DGLUCY: variants seen among roughly 807,000 people sequenced by gnomAD.
DGLUCY encodes the protein D-glutamate cyclase, mitochondrial.
Under a neutral mutation model 58.5 loss-of-function variants are expected in DGLUCY, and 58 were observed. The observed-to-expected ratio is 0.99, with a 90% CI of 0.80 to 1.23. The LOEUF is 1.23. DGLUCY is among the 50% of genes most tolerant of loss of function. The pLI is 0.00. For synonymous variants in DGLUCY, 325 were observed against 314.1 expected (o/e 1.03, Z -0.37); for missense variants, 779 against 784.7 (o/e 0.99, Z 0.09).
At chr14:91,090,630 T>A (rs2044295862) in intron 1 of DGLUCY, among the ~76,000 whole-genome samples, 1 of 152,162 alleles carries the variant, frequency 6.6e-6, no homozygotes, top group Admixed American at 6.5e-5. Flanking sequence ...CTTGTTGATG[T>A]CAGGAAAGTC....
intron 1 of DGLUCY, among the ~76,000 whole-genome samples, chr14:91,150,218 C>CAATA (rs2047242921): frequency 1.5e-5 from 1 of 64,732 alleles, no homozygotes. Flanking sequence ...GACTCCATCT[C>CAATA]AAAAAAAAAA....
At position 91,068,821 on chromosome 14, in the gene DGLUCY, A is replaced by G. The variant is rs893557612; in HGVS notation, c.-82+8117A>G. On this transcript the variant is annotated intron_variant, in intron 1 of 4. Coordinates refer to the DGLUCY transcript ENST00000521334. ...AAGGAAACTCTCAGAACCTCAAACC[A>G]CAAACCATGAGGTATGCCTGCCAAA... Among the ~76,000 whole-genome samples the G allele has an allele frequency of 2.5e-4, 38 of 152,242 alleles. 1 individual carries two copies. Among genetic ancestry groups the G allele is most frequent in the Admixed American group, 2.5e-3 (38 of 15,282 alleles).
In DGLUCY at chr14:91,168,116, A is replaced by T. The variant is rs74552027; in HGVS notation, c.257+738A>T. 1.1e-3 allele frequency among the ~76,000 whole-genome samples: 168 copies of T among 151,738 alleles called. 1 individual carries two copies. The East Asian group carries it at 0.021, about 19-fold the overall frequency. ...CCTGGTCTCTACAAATTTTTTTTTT[A>T]AAAATTAACTGGGCATAGCGGTGCA... On this transcript the variant is annotated intron_variant, in intron 4 of 13. Coordinates refer to ENST00000256324, the MANE Select transcript of DGLUCY (RefSeq NM_001102368.3).
rs561750938 is a variant in DGLUCY, at chr14:91,224,923, G to C, written c.*90G>C. 5.1e-6 allele frequency: 7 copies of C among 1,381,312 alleles called. No individual in the cohort carries two copies. The highest frequency in any genetic ancestry group is 6.8e-6 in the Non-Finnish European group (7 of 1,035,268). The allele number at this position is 1,381,312 out of a possible 1,614,324, so 85.6% of individuals were successfully genotyped here. On this transcript the variant is annotated 3_prime_UTR_variant, in exon 14 of 14. Coordinates refer to ENST00000256324, the MANE Select transcript of DGLUCY (RefSeq NM_001102368.3). ...GCTGCTTCTGGCGACAATCCTGCTA[G>C]TAAACACTGGTCTTCGGTGAGCAAC...
chr14:91,078,611 A>G lies in DGLUCY; in HGVS notation c.-82+17907A>G, dbSNP rs141450986. 2.0e-5 allele frequency among the ~76,000 whole-genome samples: 3 copies of G among 152,346 alleles called. No homozygotes were observed. The East Asian group carries it at 5.8e-4, about 29-fold the overall frequency. ...TGACCTCAACAACTAAGATTAAAGTAGCAGTTGTTAGAAAATAGCGTAGTC... is the reference window on the plus strand; with the variant it reads ...TGACCTCAACAACTAAGATTAAAGTGGCAGTTGTTAGAAAATAGCGTAGTC... On this transcript the variant is annotated intron_variant, in intron 1 of 4. Coordinates refer to the DGLUCY transcript ENST00000521334.
At chr14:91,210,239 G>T (rs921603596) in intron 12 of DGLUCY, among the ~76,000 whole-genome samples, 6 of 152,128 alleles carry the variant, frequency 3.9e-5, no homozygotes, top group African/African-American at 1.4e-4. Context: ...AAAGTTGATG[G>T]GGGGGAGCAT....
chr14:91,223,656 CT>C (rs558251801), intron 13 of DGLUCY: 130,669 of 825,908 alleles, frequency 0.16, 8 homozygotes, highest in South Asian at 0.2. Context: ...GATCAAACCA[CT>C]TTTTTTTTTT....
intron 1 of DGLUCY, among the ~76,000 whole-genome samples, chr14:91,077,418 A>AGGAG (rs1425085201): frequency 7.9e-6 from 1 of 127,212 alleles, no homozygotes; most frequent in Non-Finnish European, 1.7e-5. Flanking sequence ...GAAAGAAAGA[A>AGGAG]GGAGGGAGGG....
chr14:91,132,599 C>T (rs1289359978), intron 1 of DGLUCY, among the ~76,000 whole-genome samples: 1 of 152,036 alleles, frequency 6.6e-6, no homozygotes, highest in African/African-American at 2.4e-5. Context: ...CTGCCTCAGC[C>T]TCTCAAGTAG....
intron 1 of DGLUCY, among the ~76,000 whole-genome samples, chr14:91,061,812 GA>G (rs1316659831): frequency 1.3e-5 from 2 of 152,208 alleles, no homozygotes; most frequent in Admixed American, 1.3e-4. Context: ...GAAGAGTGCA[GA>G]TTTTTTTTAG....
At chr14:91,189,991 T>C (rs2049774582) in intron 9 of DGLUCY, among the ~76,000 whole-genome samples, 3 of 139,020 alleles carry the variant, frequency 2.2e-5, no homozygotes, top group African/African-American at 8.1e-5. Flanking sequence ...TTTTTTTTTT[T>C]TTTTTTTTTT....
At chr14:91,097,155 A>G (rs2140075993) in intron 1 of DGLUCY, among the ~76,000 whole-genome samples, 1 of 152,300 alleles carries the variant, frequency 6.6e-6, no homozygotes, top group Admixed American at 6.5e-5. Flanking sequence ...CCAGCACTTT[A>G]GGAGTTCAAA....
At chr14:91,174,610 A>C (rs960513265) in intron 6 of DGLUCY, among the ~76,000 whole-genome samples, 3 of 152,164 alleles carry the variant, frequency 2.0e-5, no homozygotes, top group Non-Finnish European at 4.4e-5. Context: ...CCGGTCTGCA[A>C]TATTTTTTAT....
chr14:91,180,620 C>G (rs1019654382), intron 7 of DGLUCY, among the ~76,000 whole-genome samples: 1 of 151,538 alleles, frequency 6.6e-6, no homozygotes, highest in Admixed American at 6.6e-5. Context: ...ATCTCAAATT[C>G]CAGTATATTC....
At chr14:91,222,813 C>G (rs1887711210) in intron 13 of DGLUCY, among the ~76,000 whole-genome samples, 1 of 152,172 alleles carries the variant, frequency 6.6e-6, no homozygotes, top group African/African-American at 2.4e-5. Flanking sequence ...GTGGCTTGAA[C>G]AACAGAAATT....
intron 3 of DGLUCY, among the ~76,000 whole-genome samples, chr14:91,164,449 C>T (rs1409100418): frequency 6.6e-6 from 1 of 152,142 alleles, no homozygotes; most frequent in Non-Finnish European, 1.5e-5. Context: ...GTAGTCTTTG[C>T]TATCTGGGCT....
chr14:91,193,791 G>A (rs1351515181), intron 9 of DGLUCY, among the ~76,000 whole-genome samples: 1 of 149,046 alleles, frequency 6.7e-6, no homozygotes, highest in Non-Finnish European at 1.5e-5. Context: ...GCAGTGAGCT[G>A]AAATTGTACC....
At chr14:91,110,810 TG>T (rs148382963), upstream of DGLUCY, among the ~76,000 whole-genome samples, 772 of 152,266 alleles carry the variant, frequency 5.1e-3, 3 homozygotes, top group African/African-American at 0.016. Flanking sequence ...CATTTTTAAG[TG>T]TAAAATTTGG....
At chr14:91,137,087 C>G (rs1444136131) in intron 1 of DGLUCY, among the ~76,000 whole-genome samples, 1 of 151,504 alleles carries the variant, frequency 6.6e-6, no homozygotes, top group Non-Finnish European at 1.5e-5. Context: ...TGATCTAATG[C>G]TCATAGAGTG....
Sources: gnomAD v4.1 joint callset for allele counts (sites outside exome capture counted in the v4.1 genomes callset) on GRCh38, gnomAD v4.1.1 for gene constraint, MANE v1.5 for transcripts, NCBI Gene and HGNC (gene_info 2026-07-23, HGNC 2026-07-21) for gene names.